The following H2BC18 variants were observed in gnomAD, a reference collection of about 807,000 sequenced individuals.
The protein encoded by H2BC18 is H2B clustered histone 18.
H2BC18 carries 8 observed loss-of-function variants against 6.3 expected under a neutral mutation model. That is an observed-to-expected ratio of 1.28 (90% CI 0.75 to 2.31). The LOEUF (loss-of-function observed/expected upper bound fraction) is 2.31. H2BC18 is among the 30% of genes most tolerant of loss of function. The pLI, the probability that H2BC18 is intolerant of heterozygous loss-of-function variation, is 0.00. For missense variants in H2BC18, 106 were observed against 174.5 expected, an observed-to-expected ratio of 0.61 and a Z score of 2.21; for synonymous variants, 104 against 78.1, an observed-to-expected ratio of 1.33 and a Z score of -1.75.
At position 149,788,736 on chromosome 1, in the gene H2BC18, T is replaced by C. The variant is rs1395086994; in HGVS notation, c.378-5476A>G. 7 of 1,219,504 alleles carry C rather than the reference T, an allele frequency of 5.7e-6. No individual in the cohort carries two copies. The African/African-American group carries it at 1.1e-4, about 18-fold the overall frequency. The allele number at this position is 1,219,504 out of a possible 1,614,324, so 75.5% of individuals were successfully genotyped here. A position where few individuals can be genotyped will look rare whatever the true frequency, so the allele number is the denominator to read the frequency against. On this transcript the variant is annotated intron_variant, in intron 1 of 1. Coordinates refer to the H2BC18 transcript ENST00000545683. ...GAAACCGGGCTCCAGAGAGGTAAAC[T>C]GCATTACTAAAGGCCACACCATGAC...
intron 1 of H2BC18, among the ~76,000 whole-genome samples, chr1:149,806,071 A>G (rs1559754919): frequency 6.6e-6 from 1 of 152,032 alleles, no homozygotes; most frequent in African/African-American, 2.4e-5. Context: ...TAGGGCACAA[A>G]CTAGAAATAA....
intron 1 of H2BC18, among the ~76,000 whole-genome samples, chr1:149,797,690 C>T (rs1553752913): frequency 6.6e-6 from 1 of 152,168 alleles, no homozygotes; most frequent in African/African-American, 2.4e-5. Context: ...CCTCCGCCTC[C>T]CAGGCTCAAC....
chr1:149,806,458 C>T (rs1276760393), intron 1 of H2BC18, among the ~76,000 whole-genome samples: 24 of 152,026 alleles, frequency 1.6e-4, no homozygotes, highest in African/African-American at 5.6e-4. Context: ...TATGGTGGCA[C>T]TTGCCTGTAG....
chr1:149,807,154 G>A (rs2091924754), downstream of H2BC18, among the ~76,000 whole-genome samples: 1 of 152,062 alleles, frequency 6.6e-6, no homozygotes, highest in Non-Finnish European at 1.5e-5. Flanking sequence ...TGAGCCAAGA[G>A]GATTGTCTGA....
At chr1:149,811,815 C>T, downstream of H2BC18, 2 of 810,800 alleles carry the variant, frequency 2.5e-6, no homozygotes, top group Non-Finnish European at 4.0e-6. Context: ...CATGGTAACA[C>T]TCCCTACCTG....
chr1:149,807,327 A>G (rs2091926515), downstream of H2BC18, among the ~76,000 whole-genome samples: 1 of 151,872 alleles, frequency 6.6e-6, no homozygotes, highest in Non-Finnish European at 1.5e-5. Flanking sequence ...TCTCTACAAA[A>G]ACAAAAACTC....
intron 1 of H2BC18, chr1:149,784,056 G>C: frequency 6.2e-7 from 1 of 1,610,680 alleles, no homozygotes; most frequent in Non-Finnish European, 8.5e-7. Flanking sequence ...CGTGTTCCAA[G>C]AGGAAACCGT....
At chr1:149,785,154 A>G (rs1256433328) in intron 1 of H2BC18, among the ~76,000 whole-genome samples, 3 of 152,322 alleles carry the variant, frequency 2.0e-5, no homozygotes, top group African/African-American at 7.2e-5. Context: ...GCAAGACAAA[A>G]TAACCAAATG....
At chr1:149,801,877 C>T (rs587772649) in intron 1 of H2BC18, among the ~76,000 whole-genome samples, 160 of 152,186 alleles carry the variant, frequency 1.1e-3, no homozygotes, top group Non-Finnish European at 1.7e-3. Flanking sequence ...CAAATTCCCC[C>T]CTCCCCACTA....
At chr1:149,785,217 T>C (rs1453589340) in intron 1 of H2BC18, among the ~76,000 whole-genome samples, 2 of 152,172 alleles carry the variant, frequency 1.3e-5, no homozygotes, top group South Asian at 2.1e-4. Flanking sequence ...AAAATGATAA[T>C]GCAAAAGTCA....
At chr1:149,808,552 A>C (rs3124002), downstream of H2BC18, among the ~76,000 whole-genome samples, 4 of 151,962 alleles carry the variant, frequency 2.6e-5, no homozygotes, top group African/African-American at 7.3e-5. Context: ...TTAACATAAA[A>C]AATTATTAAA....
intron 1 of H2BC18, among the ~76,000 whole-genome samples, chr1:149,806,274 A>G (rs2091915886): frequency 6.6e-6 from 1 of 152,216 alleles, no homozygotes; most frequent in Non-Finnish European, 1.5e-5. Context: ...ATTAGTATTC[A>G]GATGGTATAT....
intron 1 of H2BC18, among the ~76,000 whole-genome samples, chr1:149,796,261 T>A (rs1438179448): frequency 1.3e-5 from 2 of 152,174 alleles, no homozygotes; most frequent in African/African-American, 4.8e-5. Context: ...AGGGAGCATA[T>A]GTGAAAGTAA....
chr1:149,791,605 A>G (rs2091715085), intron 1 of H2BC18: 1 of 1,547,510 alleles, frequency 6.5e-7, no homozygotes, highest in Non-Finnish European at 8.7e-7. Flanking sequence ...CAAAAGTTCA[A>G]CAACACCAGA....
In H2BC18 at chr1:149,812,327, T is replaced by G. The variant is rs1436463345; in HGVS notation, c.-4A>C. 1.2e-6 allele frequency: 2 copies of G among 1,613,832 alleles called. No homozygotes were observed. The highest frequency in any genetic ancestry group is 1.7e-6 in the Non-Finnish European group (2 of 1,179,928). On this transcript the variant is annotated 5_prime_UTR_variant, in exon 1 of 1. Coordinates refer to ENST00000369167, the MANE Select transcript of H2BC18 (RefSeq NM_001024599.5). ...CGGATTTCGCTGGATCCGGCATTTT[T>G]GCGCGAAAAAAGAGAAAAGAGACTT...
intron 1 of H2BC18, chr1:149,790,187 G>A: frequency 6.2e-7 from 1 of 1,613,858 alleles, no homozygotes; most frequent in East Asian, 2.2e-5. Context: ...CCTTCTACAT[G>A]GGCAGCAAGA....
chr1:149,796,115 T>A (rs1553752757), intron 1 of H2BC18, among the ~76,000 whole-genome samples: 1 of 152,074 alleles, frequency 6.6e-6, no homozygotes, highest in African/African-American at 2.4e-5. Context: ...CTCCACTTCT[T>A]GTTTTTTCTA....
intron 1 of H2BC18, chr1:149,793,121 G>T: frequency 7.8e-7 from 1 of 1,274,522 alleles, no homozygotes; most frequent in South Asian, 1.2e-5. Context: ...CCGGCCTCAG[G>T]TGCGCCCGGC....
chr1:149,788,413 C>A (rs2091608433), intron 1 of H2BC18: 1 of 1,613,514 alleles, frequency 6.2e-7, no homozygotes, highest in Non-Finnish European at 8.5e-7. Flanking sequence ...GGAAGGAGAA[C>A]CTCTGGCCTT....
Sources: gnomAD v4.1 joint callset for allele counts (sites outside exome capture counted in the v4.1 genomes callset) on GRCh38, gnomAD v4.1.1 for gene constraint, MANE v1.5 for transcripts, NCBI Gene and HGNC (gene_info 2026-07-23, HGNC 2026-07-21) for gene names.